CHRM5: variants seen among roughly 807,000 people sequenced by gnomAD.
The protein encoded by CHRM5 is muscarinic acetylcholine receptor M5.
CHRM5 carries 18 observed loss-of-function variants against 39.0 expected under a neutral mutation model. The ratio of observed to expected loss-of-function variants is 0.46; its 90% CI spans 0.32 to 0.68. The LOEUF (loss-of-function observed/expected upper bound fraction) is 0.68. Among genes scored for constraint, CHRM5 ranks in the 30% least tolerant of loss-of-function variants. The pLI, the probability that CHRM5 is intolerant of heterozygous loss-of-function variation, is 0.04. For missense variants in CHRM5, 515 were observed against 651.1 expected, an observed-to-expected ratio of 0.79 and a Z score of 2.28; for synonymous variants, 241 against 246.3, an observed-to-expected ratio of 0.98 and a Z score of 0.20.
At chr15:33,986,263 C>T (rs59075648) in intron 1 of CHRM5, among the ~76,000 whole-genome samples, 3,517 of 151,850 alleles carry the variant, frequency 0.023, 126 homozygotes, top group African/African-American at 0.079. Flanking sequence ...CCTGCCACCA[C>T]GCCTGGCTAA....
intron 2 of CHRM5, among the ~76,000 whole-genome samples, chr15:34,057,253 C>T (rs1415666911): frequency 6.6e-6 from 1 of 151,834 alleles, no homozygotes; most frequent in East Asian, 1.9e-4. Flanking sequence ...TCTCCTGCCT[C>T]AGCATCCTGA....
intron 1 of CHRM5, among the ~76,000 whole-genome samples, chr15:34,030,968 C>A (rs890635009): frequency 2.0e-5 from 3 of 151,890 alleles, no homozygotes; most frequent in Non-Finnish European, 4.4e-5. Context: ...TCTTTTCAAG[C>A]CAGAAATTAC....
chr15:33,982,050 A>G (rs1011921520), intron 1 of CHRM5, among the ~76,000 whole-genome samples: 1 of 151,236 alleles, frequency 6.6e-6, no homozygotes. Context: ...TTTTATTAGT[A>G]GAGACAAGAT....
chr15:33,974,126 G>T (rs554278296), intron 1 of CHRM5, among the ~76,000 whole-genome samples: 2 of 152,104 alleles, frequency 1.3e-5, no homozygotes, highest in Non-Finnish European at 2.9e-5. Flanking sequence ...TGGAAATCAC[G>T]TTTGCTATAC....
At chr15:33,971,679 A>ATCT (rs1249687589) in intron 1 of CHRM5, among the ~76,000 whole-genome samples, 1 of 152,100 alleles carries the variant, frequency 6.6e-6, no homozygotes, top group Non-Finnish European at 1.5e-5. Context: ...ATTTACTTAT[A>ATCT]TCTTCATTAT....
intron 2 of CHRM5, among the ~76,000 whole-genome samples, chr15:34,047,312 G>C (rs1899740266): frequency 6.6e-6 from 1 of 152,116 alleles, no homozygotes; most frequent in South Asian, 2.1e-4. Flanking sequence ...CTCCTGACCT[G>C]ATGATCCGCC....
chr15:34,057,707 G>A (rs1031772768), intron 2 of CHRM5, among the ~76,000 whole-genome samples: 3 of 152,190 alleles, frequency 2.0e-5, no homozygotes, highest in Non-Finnish European at 4.4e-5. Flanking sequence ...TGAGGCAGGA[G>A]GATCGCTTGA....
intron 1 of CHRM5, among the ~76,000 whole-genome samples, chr15:34,028,215 CAT>C: frequency 6.6e-6 from 1 of 152,262 alleles, no homozygotes; most frequent in South Asian, 2.1e-4. Context: ...ATTCTATACA[CAT>C]ATGTTCATGT....
intron 1 of CHRM5, among the ~76,000 whole-genome samples, chr15:34,011,369 T>C (rs941685040): frequency 6.6e-6 from 1 of 152,174 alleles, no homozygotes; most frequent in Non-Finnish European, 1.5e-5. Flanking sequence ...AAAATATATG[T>C]TGTATATTAA....
chr15:33,980,936 A>G (rs1015294581), intron 1 of CHRM5, among the ~76,000 whole-genome samples: 1 of 152,210 alleles, frequency 6.6e-6, no homozygotes, highest in East Asian at 1.9e-4. Flanking sequence ...ATCAGAACTT[A>G]AAAAAGATTA....
chr15:34,003,099 T>C lies in CHRM5; in HGVS notation c.-408+33949T>C, dbSNP rs768844480. Reference sequence around the variant, plus strand: ...ACTCTCCACTTTCATTATTGACCTCTTTTTCAATATCTTGATATCGATCCC... The same window carrying C: ...ACTCTCCACTTTCATTATTGACCTCCTTTTCAATATCTTGATATCGATCCC... On this transcript the variant is annotated intron_variant, in intron 1 of 2. Transcript: ENST00000383263. 2.5e-6 allele frequency: 4 copies of C among 1,613,786 alleles called. No homozygotes were observed. The Admixed American group carries it at 5.0e-5, about 20-fold the overall frequency.
chr15:34,020,783 T>A (rs1462555242), intron 1 of CHRM5, among the ~76,000 whole-genome samples: 1 of 152,112 alleles, frequency 6.6e-6, no homozygotes, highest in East Asian at 1.9e-4. Context: ...CAAGATATAA[T>A]CTCCACATAA....
intron 1 of CHRM5, among the ~76,000 whole-genome samples, chr15:33,997,116 G>A (rs1896967877): frequency 6.6e-6 from 1 of 152,126 alleles, no homozygotes; most frequent in Admixed American, 6.5e-5. Flanking sequence ...GAAAATATAG[G>A]AGAACATCTT....
At chr15:33,997,239 G>A (rs1896971564) in intron 1 of CHRM5, among the ~76,000 whole-genome samples, 1 of 152,126 alleles carries the variant, frequency 6.6e-6, no homozygotes, top group Non-Finnish European at 1.5e-5. Flanking sequence ...ACACACTATA[G>A]AAGTGAATCT....
Position 34,064,066 on chromosome 15 carries a change from C to T in CHRM5, c.1349C>T (p.Ala450Val), listed in dbSNP as rs367796610. The T allele has an allele frequency of 1.7e-5, 28 of 1,614,054 alleles. No homozygotes were observed. In the African/African-American group the frequency reaches 1.7e-4, roughly 10 times the overall value. Residue 450 changes from alanine to valine, a missense_variant, in exon 3 of 3, where the codon GCC becomes GTC. Ala to Val is a moderately conservative substitution (Grantham distance 64, BLOSUM62 0). Coordinates refer to ENST00000383263, the MANE Select transcript of CHRM5 (RefSeq NM_012125.4). ...CAGACACTGAGTGCCATTCTCCTGG[C>T]CTTCATCATCACATGGACCCCGTAT... ...AAQTLSAILL[A>V]FIITWTPYNI... is the part of the protein sequence containing the mutation.
chr15:33,983,203 TATATATATATAC>T (rs1896256703), intron 1 of CHRM5, among the ~76,000 whole-genome samples: 1 of 20,636 alleles, frequency 4.8e-5, no homozygotes, highest in Non-Finnish European at 8.5e-5. Flanking sequence ...TGTGTGTGTA[TATATATATATAC>T]ATATATATAC....
chr15:34,057,871 G>A (rs530020750), intron 2 of CHRM5, among the ~76,000 whole-genome samples: 38 of 152,308 alleles, frequency 2.5e-4, no homozygotes, highest in African/African-American at 9.1e-4. Context: ...GCCAAATTGT[G>A]ATATGATTGT....
chr15:34,015,065 TCC>T (rs575287597), intron 1 of CHRM5, among the ~76,000 whole-genome samples: 60 of 152,210 alleles, frequency 3.9e-4, no homozygotes, highest in African/African-American at 1.2e-3. Flanking sequence ...ACAGTGTGTC[TCC>T]CTTCTAAAAG....
At chr15:34,038,733 T>C in intron 1 of CHRM5, 1 of 1,134,820 alleles carries the variant, frequency 8.8e-7, no homozygotes, top group East Asian at 4.3e-5. Flanking sequence ...CGGCCCCACT[T>C]GCCCCAGTTA....
Sources: allele counts gnomAD v4.1 joint callset (sites outside exome capture counted in the v4.1 genomes callset), GRCh38; gene constraint gnomAD v4.1.1; transcripts MANE v1.5; gene names NCBI Gene and HGNC (gene_info 2026-07-23, HGNC 2026-07-21).